The following DNAJC19 variants were observed in gnomAD, a reference collection of about 807,000 sequenced individuals.
DNAJC19 encodes mitochondrial import inner membrane translocase subunit TIM14.
DNAJC19 carries 15 observed loss-of-function variants against 19.8 expected under a neutral mutation model. The observed-to-expected ratio is 0.76, with a 90% CI of 0.51 to 1.17. The LOEUF is 1.17. Ranked by LOEUF, DNAJC19 falls within the 50% of genes most tolerant of loss-of-function variation. DNAJC19 has a pLI of 0.00. For missense variants in DNAJC19, 105 were observed against 140.9 expected (o/e 0.75, Z 1.29); for synonymous variants, 38 against 42.1 (o/e 0.90, Z 0.38).
rs928319780 is a variant in DNAJC19 at position 180,983,722 on chromosome 3, A to G, written c.*918T>C. On this transcript the variant is annotated 3_prime_UTR_variant, in exon 6 of 6. Coordinates refer to ENST00000382564, the MANE Select transcript of DNAJC19 (RefSeq NM_145261.4). ...AACAGTAAGTAATTTGCCTTTAAAC[A>G]TCATTTAAATTTATTAGTGTATAAA... is the stretch of plus-strand genomic sequence containing the variant. 2.1e-5 allele frequency: 9 copies of G among 425,196 alleles called. No individual in the cohort carries two copies. The highest frequency in any genetic ancestry group is 1.0e-4 in the African/African-American group (5 of 48,552). 26.3% of individuals were successfully genotyped at this position (425,196 alleles called of 1,614,324 possible).
chr3:180,987,060 A>G (rs1427492691), intron 3 of DNAJC19, 38 bp from the exon 4 acceptor site: 2 of 1,573,406 alleles, frequency 1.3e-6, no homozygotes, highest in South Asian at 2.2e-5. Flanking sequence ...AAGGTTAATA[A>G]AATAAAGTTG....
Position 180,984,549 on chromosome 3 carries a change from T to C in DNAJC19, c.*91A>G, listed in dbSNP as rs774534561. On this transcript the variant is annotated 3_prime_UTR_variant, in exon 6 of 6. Coordinates refer to ENST00000382564, the MANE Select transcript of DNAJC19 (RefSeq NM_145261.4). Reference sequence around the variant, plus strand: ...GATTTAGCTTGTGCTAAATCATTTTTTAAAATTGTAGCTCTGAGGCATTTT... The same window carrying C: ...GATTTAGCTTGTGCTAAATCATTTTCTAAAATTGTAGCTCTGAGGCATTTT... The C allele has an allele frequency of 1.1e-6, 1 of 878,568 alleles. No individual in the cohort carries two copies. The highest frequency in any genetic ancestry group is 1.5e-5 in the South Asian group (1 of 65,844). The allele number at this position is 878,568 out of a possible 1,614,324, so 54.4% of individuals were successfully genotyped here. A position where few individuals can be genotyped will look rare whatever the true frequency, so the allele number is the denominator to read the frequency against.
In DNAJC19 at chr3:180,989,673, C is replaced by T; in HGVS notation, c.-71G>A. The T allele has an allele frequency of 6.4e-7, 1 of 1,560,458 alleles. No homozygotes were observed. The highest frequency in any genetic ancestry group is 8.7e-7 in the Non-Finnish European group (1 of 1,152,894). On this transcript the variant is annotated 5_prime_UTR_variant, in exon 1 of 6. Transcript: ENST00000382564. The stretch of plus-strand genomic sequence containing the variant: ...CCAGCTCAGAGGCCGCGGCCAACAC[C>T]TGCACGCCTTTACCAGAGAGCGACG...
At chr3:180,986,489 C>T in intron 4 of DNAJC19, 1 of 195,670 alleles carries the variant, frequency 5.1e-6, no homozygotes, top group Non-Finnish European at 1.1e-5. Context: ...ACCATGTTTG[C>T]CAGGCTGGTC....
chr3:180,984,554 A>T lies in DNAJC19; in HGVS notation c.*86T>A. The T allele has an allele frequency of 1.1e-6, 1 of 910,910 alleles. No homozygotes were observed. Among genetic ancestry groups the T allele is most frequent in the Non-Finnish European group, 1.7e-6 (1 of 581,200 alleles). 56.4% of individuals were successfully genotyped at this position (910,910 alleles called of 1,614,324 possible). On this transcript the variant is annotated 3_prime_UTR_variant, in exon 6 of 6. Coordinates refer to ENST00000382564, the MANE Select transcript of DNAJC19 (RefSeq NM_145261.4). ...AGCTTGTGCTAAATCATTTTTTAAA[A>T]TTGTAGCTCTGAGGCATTTTATTAT...
rs1714983887 is a variant in DNAJC19, at chr3:180,987,721, G to C, written c.129+302C>G. Reference sequence around the variant, plus strand: ...ACCTCTGTGTGTGCGATGCAGAGCAGATGAAGGAAAACAAGAATATGTACA... The same window carrying C: ...ACCTCTGTGTGTGCGATGCAGAGCACATGAAGGAAAACAAGAATATGTACA... On this transcript the variant is annotated intron_variant, in intron 3 of 5. Transcript: ENST00000382564. 1.1e-4 allele frequency: 47 copies of C among 420,612 alleles called. 1 individual carries two copies. Among genetic ancestry groups the C allele is most frequent in the South Asian group, 1.0e-3 (47 of 47,088 alleles). The allele number at this position is 420,612 out of a possible 1,614,324, so 26.1% of individuals were successfully genotyped here.
intron 3 of DNAJC19, chr3:180,987,781 A>C: frequency 3.7e-6 from 2 of 542,264 alleles, no homozygotes; most frequent in South Asian, 2.0e-5. Flanking sequence ...TGAAAAAGTG[A>C]AACTTGGGTC....
chr3:180,989,771 T>C (rs1577027192), upstream of DNAJC19: 1 of 1,114,808 alleles, frequency 9.0e-7, no homozygotes, highest in African/African-American at 1.5e-5. Context: ...CGGAAAACTG[T>C]CGTAAAAGGG....
upstream of DNAJC19, chr3:180,989,833 G>A: frequency 1.3e-6 from 1 of 743,254 alleles, no homozygotes; most frequent in Non-Finnish European, 2.4e-6. Context: ...CGGAGAAAGC[G>A]ACTTCGGGTT....
At chr3:180,987,303 G>C in intron 3 of DNAJC19, 1 of 431,470 alleles carries the variant, frequency 2.3e-6, no homozygotes, top group South Asian at 2.6e-5. Flanking sequence ...GGTCTTCCGG[G>C]AGTAAAGGAA....
At chr3:180,985,714 AG>A in intron 5 of DNAJC19, 1 of 527,530 alleles carries the variant, frequency 1.9e-6, no homozygotes, top group South Asian at 2.7e-5. Context: ...CACAAAACAT[AG>A]TAATAGTAGC....
rs1049182549 is a variant in DNAJC19 at position 180,989,729 on chromosome 3, C to A, written c.-127G>T. Reference sequence around the variant, plus strand: ...CCCAACCTCAAGCACAGGCGCCCTACGCAACACGGCAGGAGCAGCCGCAAA... The same window carrying A: ...CCCAACCTCAAGCACAGGCGCCCTAAGCAACACGGCAGGAGCAGCCGCAAA... On this transcript the variant is annotated 5_prime_UTR_variant, in exon 1 of 6. Coordinates refer to ENST00000382564, the MANE Select transcript of DNAJC19 (RefSeq NM_145261.4). 2.3e-5 allele frequency: 34 copies of A among 1,482,324 alleles called. No individual in the cohort carries two copies. The highest frequency in any genetic ancestry group is 3.1e-5 in the Non-Finnish European group (34 of 1,092,642). The allele number at this position is 1,482,324 out of a possible 1,614,324, so 91.8% of individuals were successfully genotyped here.
At chr3:180,989,070 C>T (rs189355705) in intron 1 of DNAJC19, among the ~76,000 whole-genome samples, 1 of 151,846 alleles carries the variant, frequency 6.6e-6, no homozygotes, top group Admixed American at 6.6e-5. Flanking sequence ...TGTTTACAGA[C>T]GGCTCCTGTA....
chr3:180,989,213 CA>C (rs1441295857), intron 1 of DNAJC19: 1 of 838,260 alleles, frequency 1.2e-6, no homozygotes, highest in East Asian at 6.3e-5. Context: ...CATCTGTCAG[CA>C]AAAGCCAAAG....
intron 1 of DNAJC19, among the ~76,000 whole-genome samples, chr3:180,989,098 T>C (rs1424060312): frequency 6.6e-6 from 1 of 152,058 alleles, no homozygotes; most frequent in Non-Finnish European, 1.5e-5. Flanking sequence ...AACAACGCAT[T>C]TTCGAGGCTA....
In DNAJC19 at chr3:180,989,561, G is replaced by A. The variant is rs777545342; in HGVS notation, c.3+39C>T. The stretch of plus-strand genomic sequence containing the variant: ...GGCGGGGAGCTGAGGTTGAGGCCTG[G>A]GCCGGAGGTCGCCAAGAAGACCGGA... On this transcript the variant is annotated intron_variant, in intron 1 of 5. Coordinates refer to ENST00000382564, the MANE Select transcript of DNAJC19 (RefSeq NM_145261.4). 1.2e-5 allele frequency: 19 copies of A among 1,567,328 alleles called. No individual in the cohort carries two copies. In the East Asian group the frequency reaches 2.6e-4, roughly 21 times the overall value.
Position 180,983,800 on chromosome 3 carries a change from G to A in DNAJC19, c.*840C>T, listed in dbSNP as rs1310132166. 1.8e-5 allele frequency: 8 copies of A among 453,764 alleles called. No homozygotes were observed. The highest frequency in any genetic ancestry group is 3.5e-5 in the Non-Finnish European group (8 of 226,698). The allele number at this position is 453,764 out of a possible 1,614,324, so 28.1% of individuals were successfully genotyped here. A position where few individuals can be genotyped will look rare whatever the true frequency, so the allele number is the denominator to read the frequency against. ...GATATTGAGAACATTTCAGTTTTCA[G>A]TTTTGCTAACAGGGTTTAAGCTTAA... On this transcript the variant is annotated 3_prime_UTR_variant, in exon 6 of 6. Coordinates refer to ENST00000382564, the MANE Select transcript of DNAJC19 (RefSeq NM_145261.4).
intron 5 of DNAJC19, 119 bp downstream of exon 5, chr3:180,985,807 G>T: frequency 1.2e-6 from 1 of 863,870 alleles, no homozygotes; most frequent in East Asian, 2.6e-5. Flanking sequence ...CAGCCTAGGA[G>T]ACAGGACTTA....
In DNAJC19 at chr3:180,989,595, C is replaced by A; in HGVS notation, c.3+5G>T. On this transcript the variant is annotated splice_donor_5th_base_variant and intron_variant, in intron 1 of 5. Coordinates refer to ENST00000382564, the MANE Select transcript of DNAJC19 (RefSeq NM_145261.4). ...TCGCCAAGAAGACCGGAAGGCCGCA[C>A]TCACCATGGCTCCGGCTGGGCTCCC... 6.3e-7 allele frequency: 1 copy of A among 1,586,372 alleles called. No individual in the cohort carries two copies. The highest frequency in any genetic ancestry group is 1.8e-5 in the Admixed American group (1 of 56,224).
Sources: gnomAD v4.1 joint callset for allele counts (sites outside exome capture counted in the v4.1 genomes callset) on GRCh38, gnomAD v4.1.1 for gene constraint, MANE v1.5 for transcripts, NCBI Gene and HGNC (gene_info 2026-07-23, HGNC 2026-07-21) for gene names.